Variants in LARGE1 observed in about 807,000 individuals in gnomAD.
LARGE1 encodes the protein LARGE xylosyl- and glucuronyltransferase 1.
In LARGE1, 43 loss-of-function variants were observed where a neutral mutation model predicts 87.6. The observed-to-expected ratio is 0.49, with a 90% CI of 0.38 to 0.63. LARGE1 has a LOEUF of 0.63. LARGE1 is among the 30% of genes least tolerant of loss of function. The pLI, the probability that LARGE1 is intolerant of heterozygous loss-of-function variation, is 0.00. For missense variants in LARGE1, 802 were observed against 1,000.2 expected (o/e 0.80, Z 2.67); for synonymous variants, 434 against 394.6 (o/e 1.10, Z -1.18).
At chr22:33,675,771 C>G (rs1246550894) in intron 2 of LARGE1, among the ~76,000 whole-genome samples, 1 of 152,170 alleles carries the variant, frequency 6.6e-6, no homozygotes, top group Non-Finnish European at 1.5e-5. Context: ...ACCCAAACTG[C>G]TTTATAGGTA....
intron 11 of LARGE1, 81 bp from the exon 12 acceptor site, chr22:33,304,588 C>T: frequency 7.2e-7 from 1 of 1,395,506 alleles, no homozygotes; most frequent in Non-Finnish European, 9.6e-7. Flanking sequence ...GGCTCTGCCT[C>T]CAGTGACACT....
rs143617837 is a variant in LARGE1 at position 33,850,752 on chromosome 22, G to A, written c.-83+69243C>T. Among the ~76,000 whole-genome samples, 12 of 152,168 alleles carry A rather than the reference G, an allele frequency of 7.9e-5. No homozygotes were observed. In the East Asian group the frequency reaches 2.1e-3, roughly 27 times the overall value. On this transcript the variant is annotated intron_variant, in intron 1 of 14. Coordinates refer to ENST00000397394, the MANE Select transcript of LARGE1 (RefSeq NM_133642.5). ...GACTCAGAGTGGAGGGGGATAGGGC[G>A]GAGGGCATAAAGGTAGCAGCTGGAT...
intron 6 of LARGE1, among the ~76,000 whole-genome samples, chr22:33,453,183 G>A (rs1366414772): frequency 6.6e-6 from 1 of 152,192 alleles, no homozygotes; most frequent in Admixed American, 6.5e-5. Flanking sequence ...TTGGGAGGCC[G>A]AGGCGGGTGG....
intron 7 of LARGE1, among the ~76,000 whole-genome samples, chr22:33,418,634 C>T (rs372821158): frequency 7.9e-5 from 12 of 152,190 alleles, no homozygotes; most frequent in Admixed American, 2.0e-4. Flanking sequence ...AGCAGAAGAG[C>T]GGTCCAGGCA....
At chr22:33,894,692 T>C (rs769580076) in intron 1 of LARGE1, among the ~76,000 whole-genome samples, 2 of 151,998 alleles carry the variant, frequency 1.3e-5, no homozygotes, top group Admixed American at 6.5e-5. Flanking sequence ...TCTGGACCCA[T>C]ATCTGGTCCA....
At chr22:33,428,163 TA>T (rs1346285607) in intron 7 of LARGE1, among the ~76,000 whole-genome samples, 3 of 152,156 alleles carry the variant, frequency 2.0e-5, no homozygotes, top group African/African-American at 7.2e-5. Flanking sequence ...TTCCAGTCGG[TA>T]AATCTCATTC....
the LARGE1 span, among the ~76,000 whole-genome samples, chr22:33,099,624 C>T: frequency 6.6e-6 from 1 of 152,192 alleles, no homozygotes; most frequent in Admixed American, 6.5e-5. Flanking sequence ...TTACTTATGG[C>T]TGAGGGCATC....
At position 33,893,510 on chromosome 22, in the gene LARGE1, G is replaced by A. The variant is rs569277064; in HGVS notation, c.-83+26485C>T. On this transcript the variant is annotated intron_variant, in intron 1 of 14. Transcript: ENST00000397394. ...ATAAACGCACAGCATATTAACAAAC[G>A]GTGATGCTATAGGAAAAAACAGAGC... Among the ~76,000 whole-genome samples, 14 of 152,288 alleles carry A rather than the reference G, an allele frequency of 9.2e-5. No individual in the cohort carries two copies. In the South Asian group the frequency reaches 2.5e-3, roughly 27 times the overall value.
intron 6 of LARGE1, among the ~76,000 whole-genome samples, chr22:33,536,079 C>A (rs922064476): frequency 5.9e-5 from 9 of 152,210 alleles, no homozygotes; most frequent in Non-Finnish European, 1.3e-4. Context: ...CCTCTTGCAA[C>A]ATCTGCAGGG....
chr22:33,834,570 T>C (rs1053322336), intron 1 of LARGE1, among the ~76,000 whole-genome samples: 1 of 151,840 alleles, frequency 6.6e-6, no homozygotes, highest in Non-Finnish European at 1.5e-5. Context: ...CCCCACCCCA[T>C]CTCCCTTCGC....
chr22:33,794,660 G>A (rs1265809219), intron 1 of LARGE1, among the ~76,000 whole-genome samples: 1 of 151,700 alleles, frequency 6.6e-6, no homozygotes, highest in African/African-American at 2.4e-5. Flanking sequence ...TCGCTCTGTC[G>A]CCCAGGCTGG....
intron 11 of LARGE1, among the ~76,000 whole-genome samples, chr22:33,182,962 T>TG (rs1244827873): frequency 2.6e-5 from 4 of 152,238 alleles, no homozygotes; most frequent in African/African-American, 7.2e-5. Flanking sequence ...ATTAAGCAGG[T>TG]GGGATTATAT....
At chr22:33,690,196 A>T (rs890329682) in intron 2 of LARGE1, among the ~76,000 whole-genome samples, 4 of 152,174 alleles carry the variant, frequency 2.6e-5, no homozygotes, top group Admixed American at 2.6e-4. Context: ...GGAATACAGA[A>T]CCCAAAAAGT....
intron 11 of LARGE1, among the ~76,000 whole-genome samples, chr22:33,265,319 T>C (rs1927874425): frequency 6.6e-6 from 1 of 152,172 alleles, no homozygotes; most frequent in Admixed American, 6.5e-5. Context: ...GTCCTCTGAA[T>C]AATTTTGCAT....
intron 1 of LARGE1, among the ~76,000 whole-genome samples, chr22:33,763,248 G>A (rs780761717): frequency 6.6e-6 from 1 of 152,204 alleles, no homozygotes; most frequent in East Asian, 1.9e-4. Context: ...AGGAGTTTAT[G>A]TTCAGTGAGT....
chr22:33,305,654 CTT>C, intron 11 of LARGE1: 1 of 954,074 alleles, frequency 1.0e-6, no homozygotes, highest in Non-Finnish European at 1.2e-6. Flanking sequence ...GCACACCTAT[CTT>C]GTTTCAATGG....
chr22:33,099,048 A>T, the LARGE1 span, among the ~76,000 whole-genome samples: 1 of 152,112 alleles, frequency 6.6e-6, no homozygotes, highest in Non-Finnish European at 1.5e-5. Flanking sequence ...CCCATCATCA[A>T]GTTTCTCCCA....
chr22:33,320,442 G>A (rs5998871), intron 10 of LARGE1, among the ~76,000 whole-genome samples: 4 of 152,212 alleles, frequency 2.6e-5, no homozygotes, highest in East Asian at 1.9e-4. Flanking sequence ...TCTTCTCTGC[G>A]CTCCAAGAGC....
the LARGE1 span, among the ~76,000 whole-genome samples, chr22:33,103,750 G>C: frequency 1.3e-5 from 2 of 152,190 alleles, no homozygotes; most frequent in Non-Finnish European, 2.9e-5. Context: ...TGGTTTGGCT[G>C]TGTCCCCACC....
Sources: allele counts gnomAD v4.1 joint callset (sites outside exome capture counted in the v4.1 genomes callset), GRCh38; gene constraint gnomAD v4.1.1; transcripts MANE v1.5; gene names NCBI Gene and HGNC (gene_info 2026-07-23, HGNC 2026-07-21).